SIM2: variants seen among roughly 807,000 people sequenced by gnomAD.
SIM2 encodes SIM bHLH transcription factor 2.
A neutral mutation model predicts 64.8 loss-of-function variants in SIM2; 28 were observed. That is an observed-to-expected ratio of 0.43 (90% CI 0.32 to 0.59). The LOEUF (loss-of-function observed/expected upper bound fraction) is 0.59, where lower values mean the gene tolerates loss of function less well. Ranked by LOEUF, SIM2 falls within the 20% of genes least tolerant of loss-of-function variation. The pLI, the probability that SIM2 is intolerant of heterozygous loss-of-function variation, is 0.07. For missense variants in SIM2, 847 were observed against 871.4 expected, an observed-to-expected ratio of 0.97 and a Z score of 0.35; for synonymous variants, 408 against 391.1, an observed-to-expected ratio of 1.04 and a Z score of -0.51.
intron 6 of SIM2, among the ~76,000 whole-genome samples, chr21:36,729,782 C>G (rs2123471434): frequency 6.6e-6 from 1 of 152,280 alleles, no homozygotes; most frequent in South Asian, 2.1e-4. Flanking sequence ...GTGCCCGGCC[C>G]CATTGCCCAA....
At position 36,744,976 on chromosome 21, in the gene SIM2, T is replaced by C. The variant is rs563000221; in HGVS notation, c.1416T>C (p.Pro472=). Residue 472 remains proline (P), a synonymous_variant, in exon 10 of 11, where the codon CCT becomes CCC. Transcript: ENST00000290399. ...AGTTCGGGCAGCCCCAAGGATCCCC[T>C]TGTGAGGTGGCACGCTTTTTCCTGA... is the stretch of plus-strand genomic sequence containing the variant. ...PAKFGQPQGS[P]CEVARFFLST... is the part of the protein sequence containing the mutation. The C allele has an allele frequency of 3.7e-6, 6 of 1,614,258 alleles. No homozygotes were observed. The East Asian group carries it at 8.9e-5, about 24-fold the overall frequency.
In SIM2 at chr21:36,748,259, T is replaced by G; in HGVS notation, c.*167T>G. The G allele has an allele frequency of 3.2e-5, 10 of 313,940 alleles. No homozygotes were observed. Among genetic ancestry groups the G allele is most frequent in the South Asian group, 1.3e-4 (1 of 7,448 alleles). 19.4% of individuals were successfully genotyped at this position (313,940 alleles called of 1,614,324 possible). A position where few individuals can be genotyped will look rare whatever the true frequency, so the allele number is the denominator to read the frequency against. ...CCACCGCGGAGGCCCCGCGCGCCGG[T>G]GCCGAGGGCCGAGGAGCGCCCGGGT... is the stretch of plus-strand genomic sequence containing the variant. On this transcript the variant is annotated 3_prime_UTR_variant, in exon 11 of 11. Transcript: ENST00000290399.
rs2089218693 is a variant in SIM2, at chr21:36,745,543, A to T, written c.1576+407A>T. On this transcript the variant is annotated intron_variant, in intron 10 of 10. Coordinates refer to ENST00000290399, the MANE Select transcript of SIM2 (RefSeq NM_005069.6). The surrounding 1 kb of genome is among the most constrained non-coding windows in gnomAD (Gnocchi z 4.8). ...AGTGAATATTTGAGACAAACGGCCTATTGGCTATTTTCCCATGCCAGTTTT... is the reference window on the plus strand; with the variant it reads ...AGTGAATATTTGAGACAAACGGCCTTTTGGCTATTTTCCCATGCCAGTTTT... The T allele has an allele frequency of 1.8e-6, 2 of 1,118,852 alleles. No homozygotes were observed. The highest frequency in any genetic ancestry group is 2.2e-6 in the Non-Finnish European group (2 of 903,382). 69.3% of individuals were successfully genotyped at this position (1,118,852 alleles called of 1,614,324 possible). A position where few individuals can be genotyped will look rare whatever the true frequency, so the allele number is the denominator to read the frequency against.
At chr21:36,731,972 T>C (rs2088975597) in intron 7 of SIM2, among the ~76,000 whole-genome samples, 1 of 152,174 alleles carries the variant, frequency 6.6e-6, no homozygotes, top group African/African-American at 2.4e-5. Context: ...AACCTCCGCC[T>C]CCTGGGTTCA....
At chr21:36,722,658 G>T (rs537737046) in intron 4 of SIM2, among the ~76,000 whole-genome samples, 10 of 152,164 alleles carry the variant, frequency 6.6e-5, no homozygotes, top group Non-Finnish European at 8.8e-5. Context: ...GAGGGTGAAA[G>T]CATGGATCTG....
rs1487720374 is a variant in SIM2, at chr21:36,741,753, G to A, written c.887G>A (p.Arg296Gln). The change falls in exon 8 of 11, where the codon CGG becomes CAG. Residue 296 changes from arginine to glutamine, a missense_variant. Arg to Gln is a conservative substitution (Grantham distance 43). This residue lies in a region of SIM2 where 397 missense variants were observed against 439.2 expected (regional missense o/e 0.90). Transcript: ENST00000290399. ...GGCCAGGTCACCACCAAGTACTACC[G>A]GCTGCTGTCCAAGCGGGGCGGCTGG... is the stretch of plus-strand genomic sequence containing the variant. ...VKGQVTTKYY[R>Q]LLSKRGGWVW... 4.3e-6 allele frequency: 7 copies of A among 1,613,500 alleles called. No individual in the cohort carries two copies. Among genetic ancestry groups the A allele is most frequent in the African/African-American group, 1.3e-5 (1 of 75,028 alleles).
intron 3 of SIM2, among the ~76,000 whole-genome samples, chr21:36,719,440 A>G (rs1358523727): frequency 1.3e-5 from 2 of 152,226 alleles, no homozygotes; most frequent in African/African-American, 4.8e-5. Flanking sequence ...GATCGCCAGC[A>G]AGGGAAGGAC....
intron 2 of SIM2, chr21:36,709,679 A>G: frequency 2.9e-6 from 1 of 349,706 alleles, no homozygotes; most frequent in Non-Finnish European, 5.6e-6. Flanking sequence ...CAAGGGGCGC[A>G]AGGACGGAGA....
intron 6 of SIM2, among the ~76,000 whole-genome samples, chr21:36,730,725 G>A (rs543488311): frequency 5.6e-4 from 85 of 152,216 alleles, no homozygotes; most frequent in African/African-American, 1.9e-3. Flanking sequence ...CAGCTTTCTC[G>A]CAATATCAGT....
At chr21:36,743,286 C>A in intron 8 of SIM2, 101 bp from the exon 9 acceptor site, 2 of 977,008 alleles carry the variant, frequency 2.0e-6, no homozygotes, top group Non-Finnish European at 3.1e-6. Flanking sequence ...TGAAAAGACA[C>A]ACTGGAGCAC....
In SIM2 at chr21:36,747,993, G is replaced by T. The variant is rs1447265747; in HGVS notation, c.1905G>T (p.Ala635=). 8.3e-6 allele frequency: 9 copies of T among 1,087,590 alleles called. No individual in the cohort carries two copies. The highest frequency in any genetic ancestry group is 1.7e-5 in the African/African-American group (1 of 59,284). 67.4% of individuals were successfully genotyped at this position (1,087,590 alleles called of 1,614,324 possible). A position where few individuals can be genotyped will look rare whatever the true frequency, so the allele number is the denominator to read the frequency against. Reference sequence around the variant, plus strand: ...GCGGCCCCGAGGCGGCGACCGGCGCGCTGCGGCTCCGGCACCCGAGCCCCG... The same window carrying T: ...GCGGCCCCGAGGCGGCGACCGGCGCTCTGCGGCTCCGGCACCCGAGCCCCG... ...APGGPEAATG[A]LRLRHPSPAA... Residue 635 remains alanine, a synonymous_variant, in exon 11 of 11, where the codon GCG becomes GCT. Transcript: ENST00000290399. The surrounding 1 kb of genome is among the most constrained non-coding windows in gnomAD (Gnocchi z 4.5).
intron 3 of SIM2, among the ~76,000 whole-genome samples, chr21:36,714,250 A>G (rs1568928147): frequency 6.6e-6 from 1 of 152,222 alleles, no homozygotes; most frequent in Non-Finnish European, 1.5e-5. Flanking sequence ...AAAACCTTTC[A>G]TAGTCTTACA....
At chr21:36,707,958 G>C (rs1568925012) in intron 1 of SIM2, among the ~76,000 whole-genome samples, 2 of 152,118 alleles carry the variant, frequency 1.3e-5, no homozygotes, top group Non-Finnish European at 2.9e-5. Context: ...TGGGGCTGGG[G>C]CTGGGCCTGG....
intron 1 of SIM2, among the ~76,000 whole-genome samples, chr21:36,705,089 G>T (rs927428346): frequency 6.6e-6 from 1 of 152,196 alleles, no homozygotes; most frequent in Non-Finnish European, 1.5e-5. Flanking sequence ...CCTGGCACAG[G>T]TTCCCGGCGA....
At chr21:36,702,204 G>A (rs1465657633) in intron 1 of SIM2, among the ~76,000 whole-genome samples, 4 of 152,194 alleles carry the variant, frequency 2.6e-5, no homozygotes, top group Admixed American at 2.6e-4. Flanking sequence ...TGGTCCTTCT[G>A]GGGGTCAGGC....
chr21:36,736,375 G>A (rs2089047902), intron 7 of SIM2, among the ~76,000 whole-genome samples: 1 of 152,208 alleles, frequency 6.6e-6, no homozygotes, highest in African/African-American at 2.4e-5. Context: ...GCAGAGGCCT[G>A]ATTGGAGGTA....
At chr21:36,734,942 CAG>C (rs1568937196) in intron 7 of SIM2, among the ~76,000 whole-genome samples, 1 of 152,202 alleles carries the variant, frequency 6.6e-6, no homozygotes, top group African/African-American at 2.4e-5. Context: ...GAAGCTGCCC[CAG>C]AGCCTGGAGT....
At chr21:36,714,489 CTCTA>C (rs2088717627) in intron 3 of SIM2, among the ~76,000 whole-genome samples, 1 of 152,200 alleles carries the variant, frequency 6.6e-6, no homozygotes, top group South Asian at 2.1e-4. Context: ...ATCATGCCTG[CTCTA>C]TCTGTCTTTA....
At chr21:36,719,522 C>T (rs1215411164) in intron 3 of SIM2, among the ~76,000 whole-genome samples, 2 of 152,192 alleles carry the variant, frequency 1.3e-5, no homozygotes, top group Non-Finnish European at 2.9e-5. Flanking sequence ...GCAGCGCCGC[C>T]CACCTCTGGT....
Sources: gnomAD v4.1 joint callset for allele counts (sites outside exome capture counted in the v4.1 genomes callset) on GRCh38, gnomAD v4.1.1 for gene constraint, gnomAD v4.1.1 regional missense constraint, Gnocchi (gnomAD v3.1) non-coding constraint, MANE v1.5 for transcripts, NCBI Gene and HGNC (gene_info 2026-07-23, HGNC 2026-07-21) for gene names.